SLC22A2: variants seen among roughly 807,000 people sequenced by gnomAD.
SLC22A2 encodes solute carrier family 22 member 2, also known as organic cation transporter 2.
Under a neutral mutation model 60.5 loss-of-function variants are expected in SLC22A2, and 46 were observed. The ratio of observed to expected loss-of-function variants is 0.76; its 90% CI spans 0.60 to 0.97. SLC22A2 has a LOEUF of 0.97. Ranked by LOEUF, SLC22A2 falls within the 50% of genes least tolerant of loss-of-function variation. SLC22A2 has a pLI of 0.00. For synonymous variants in SLC22A2, 303 were observed against 267.0 expected (o/e 1.13, Z -1.31); for missense variants, 701 against 706.6 (o/e 0.99, Z 0.09).
At chr6:160,228,485 G>A (rs1344208840) in intron 9 of SLC22A2, among the ~76,000 whole-genome samples, 1 of 152,180 alleles carries the variant, frequency 6.6e-6, no homozygotes, top group Non-Finnish European at 1.5e-5. Flanking sequence ...CTAAGACTGA[G>A]GGGATTAGAG....
At chr6:160,243,834 C>A (rs770689249) in intron 6 of SLC22A2, 48 bp from the exon 7 acceptor site, 42 of 1,372,274 alleles carry the variant, frequency 3.1e-5, no homozygotes, top group Middle Eastern at 4.9e-4. Context: ...AAACACAGGG[C>A]ACCAAAAAAG....
chr6:160,256,022 A>T (rs1206051515), intron 2 of SLC22A2, among the ~76,000 whole-genome samples: 1 of 152,182 alleles, frequency 6.6e-6, no homozygotes, highest in Non-Finnish European at 1.5e-5. Context: ...TCATCTCTCC[A>T]GGGACAATGA....
At position 160,258,386 on chromosome 6, in the gene SLC22A2, G is replaced by C. The variant is rs1406195900; in HGVS notation, c.372C>G (p.Asp124Glu). The change falls in exon 1 of 11, where the codon GAC (aspartate) becomes GAG (glutamate). Residue 124 changes from aspartate to glutamate, a missense_variant. By Grantham distance (45) the Asp-to-Glu change is conservative (BLOSUM62 2). Coordinates refer to ENST00000366953, the MANE Select transcript of SLC22A2 (RefSeq NM_003058.4). ...AGCCAGGCGTCTCGTACACCCAGCC[G>C]TCCCGGCAGGGGCCCAGTGGCAGGC... ...RSRLPLGPCR[D>E]GWVYETPGSS... The C allele has an allele frequency of 6.2e-7, 1 of 1,613,724 alleles. No homozygotes were observed. Among genetic ancestry groups the C allele is most frequent in the Admixed American group, 1.7e-5 (1 of 59,996 alleles).
intron 4 of SLC22A2, among the ~76,000 whole-genome samples, chr6:160,248,806 T>A (rs1330462261): frequency 6.6e-6 from 1 of 152,176 alleles, no homozygotes; most frequent in Non-Finnish European, 1.5e-5. Flanking sequence ...TGGGCATGAG[T>A]ATTGGGAAAT....
intron 3 of SLC22A2, 23 bp downstream of exon 3, chr6:160,250,525 G>T: frequency 6.2e-7 from 1 of 1,613,352 alleles, no homozygotes; most frequent in Non-Finnish European, 8.5e-7. Flanking sequence ...TGTTCTCACA[G>T]TTGCAAGCAC....
chr6:160,240,811 G>C lies in SLC22A2; in HGVS notation c.1501+663C>G, dbSNP rs140795989. ...GCAGCTCAGAATGGGTGTCAAAGGA[G>C]CCTGAAATGGGTGCATTGAGGTGTT... On this transcript the variant is annotated intron_variant, in intron 9 of 10. Transcript: ENST00000366953. 3.5e-3 allele frequency among the ~76,000 whole-genome samples: 527 copies of C among 152,266 alleles called. 3 individuals are homozygous for C. Among genetic ancestry groups the C allele is most frequent in the African/African-American group, 0.012 (508 of 41,562 alleles).
intron 2 of SLC22A2, among the ~76,000 whole-genome samples, chr6:160,251,155 C>A (rs1240605863): frequency 1.3e-5 from 2 of 152,192 alleles, no homozygotes; most frequent in Non-Finnish European, 2.9e-5. Context: ...GTATATACCC[C>A]CTTTCTTTTT....
At chr6:160,242,187 T>G in intron 8 of SLC22A2, 107 bp downstream of exon 8, 1 of 760,160 alleles carries the variant, frequency 1.3e-6, no homozygotes, top group Non-Finnish European at 2.4e-6. Flanking sequence ...CACCTTCCCT[T>G]ACACTGTGTT....
chr6:160,231,072 G>A (rs1421444122), intron 9 of SLC22A2, among the ~76,000 whole-genome samples: 1 of 151,760 alleles, frequency 6.6e-6, no homozygotes, highest in African/African-American at 2.4e-5. Context: ...AATCAATACG[G>A]AGGCTACCCA....
chr6:160,257,429 G>C (rs1415189346), intron 1 of SLC22A2, among the ~76,000 whole-genome samples: 3 of 152,098 alleles, frequency 2.0e-5, no homozygotes, highest in Non-Finnish European at 4.4e-5. Context: ...GTTATTCACT[G>C]TGTGGCCTGG....
Position 160,250,697 on chromosome 6 carries a change from C to T in SLC22A2, c.524G>A (p.Gly175Asp). The T allele has an allele frequency of 1.2e-6, 2 of 1,613,398 alleles. No individual in the cohort carries two copies. Among genetic ancestry groups the T allele is most frequent in the Non-Finnish European group, 1.7e-6 (2 of 1,179,620 alleles). Residue 175 changes from glycine to aspartate, a missense_variant, in exon 3 of 11, where the codon GGC (glycine) becomes GAC (aspartate). Coordinates refer to ENST00000366953, the MANE Select transcript of SLC22A2 (RefSeq NM_003058.4). ...MSIGYIADRF[G>D]RKLCLLTTVL... The stretch of plus-strand genomic sequence containing the variant: ...TGTAGTTAGGAGGCAGAGCTTACGG[C>T]CAAACCTGCAGGAAGAAAAACAAAG...
intron 2 of SLC22A2, among the ~76,000 whole-genome samples, chr6:160,256,378 G>A (rs1783272018): frequency 6.6e-6 from 1 of 152,164 alleles, no homozygotes; most frequent in South Asian, 2.1e-4. Context: ...TGGAAGATTT[G>A]CTGTGTAATG....
chr6:160,230,876 C>A (rs1782810126), intron 9 of SLC22A2, among the ~76,000 whole-genome samples: 1 of 151,948 alleles, frequency 6.6e-6, no homozygotes, highest in South Asian at 2.1e-4. Context: ...GTCCAACTTG[C>A]CCCGCAGCCA....
chr6:160,246,018 C>T (rs1238853762), intron 5 of SLC22A2, among the ~76,000 whole-genome samples: 1 of 150,736 alleles, frequency 6.6e-6, no homozygotes, highest in Non-Finnish European at 1.5e-5. Flanking sequence ...CAGGCATCCG[C>T]CACCATGCCC....
intron 1 of SLC22A2, chr6:160,257,932 T>C (rs778460653): frequency 5.7e-6 from 1 of 176,376 alleles, no homozygotes; most frequent in Non-Finnish European, 1.2e-5. Flanking sequence ...TATCACACAG[T>C]CAGGCACAGT....
At chr6:160,243,538 T>G in intron 7 of SLC22A2, 34 bp downstream of exon 7, 1 of 1,461,144 alleles carries the variant, frequency 6.8e-7, no homozygotes, top group Non-Finnish European at 9.6e-7. Flanking sequence ...TCCAGGGTCT[T>G]GGAGATAAGA....
At position 160,242,514 on chromosome 6, in the gene SLC22A2, A is replaced by C; in HGVS notation, c.1280-112T>G. The C allele has an allele frequency of 4.3e-6, 3 of 695,762 alleles. No individual in the cohort carries two copies. The South Asian group carries it at 4.9e-5, about 11-fold the overall frequency. The allele number at this position is 695,762 out of a possible 1,614,324, so 43.1% of individuals were successfully genotyped here. On this transcript the variant is annotated intron_variant, in intron 7 of 10. Transcript: ENST00000366953. ...TTCCCCATCCCAGAATGGGACAAGA[A>C]AGAAAAATGACTTCTTCTATAGGCT... is the stretch of plus-strand genomic sequence containing the variant.
At position 160,258,796 on chromosome 6, in the gene SLC22A2, C is replaced by A. The variant is rs747241982; in HGVS notation, c.-39G>T. On this transcript the variant is annotated 5_prime_UTR_variant, in exon 1 of 11. Transcript: ENST00000366953. ...GGAGGGCCCGAGGCTGCCCGACGTGCCCGGAGCGAGGCTGAGAGCGGCTGC... is the reference window on the plus strand; with the variant it reads ...GGAGGGCCCGAGGCTGCCCGACGTGACCGGAGCGAGGCTGAGAGCGGCTGC... 2 of 1,507,270 alleles carry A rather than the reference C, an allele frequency of 1.3e-6. No homozygotes were observed. The highest frequency in any genetic ancestry group is 1.4e-5 in the African/African-American group (1 of 71,646). The allele number at this position is 1,507,270 out of a possible 1,614,324, so 93.4% of individuals were successfully genotyped here. A position where few individuals can be genotyped will look rare whatever the true frequency, so the allele number is the denominator to read the frequency against.
chr6:160,223,603 C>T (rs1360920427), intron 10 of SLC22A2, among the ~76,000 whole-genome samples: 4 of 152,040 alleles, frequency 2.6e-5, no homozygotes, highest in Admixed American at 1.3e-4. Context: ...AGGTTGTTTC[C>T]AACACTTGTT....
Sources: gnomAD v4.1 joint callset for allele counts (sites outside exome capture counted in the v4.1 genomes callset) on GRCh38, gnomAD v4.1.1 for gene constraint, MANE v1.5 for transcripts, NCBI Gene and HGNC (gene_info 2026-07-23, HGNC 2026-07-21) for gene names.